The following RAP1GDS1 variants were observed in gnomAD, a reference collection of about 807,000 sequenced individuals.
RAP1GDS1 encodes Rap1 GTPase-GDP dissociation stimulator 1, also known as RAP1, GTP-GDP dissociation stimulator 1.
A neutral mutation model predicts 71.1 loss-of-function variants in RAP1GDS1; 35 were observed. The ratio of observed to expected loss-of-function variants is 0.49; its 90% CI spans 0.38 to 0.65. The LOEUF (loss-of-function observed/expected upper bound fraction) is 0.65. Among genes scored for constraint, RAP1GDS1 ranks in the 30% least tolerant of loss-of-function variants. The pLI is 0.00. For synonymous variants in RAP1GDS1, 229 were observed against 243.1 expected (o/e 0.94, Z 0.54); for missense variants, 663 against 706.1 (o/e 0.94, Z 0.69).
chr4:98,434,388 T>C lies in RAP1GDS1; in HGVS notation c.1567+326T>C, dbSNP rs78643082. 7.8e-3 allele frequency among the ~76,000 whole-genome samples: 1,185 copies of C among 152,308 alleles called. 16 individuals are homozygous for C. Among genetic ancestry groups the C allele is most frequent in the African/African-American group, 0.027 (1,118 of 41,572 alleles). On this transcript the variant is annotated intron_variant, in intron 13 of 14. Transcript: ENST00000408927. Reference sequence around the variant, plus strand: ...AAACAATATTTAGAATATGACAGCATATGAAGAGTCTGCTACTCTCCCAGT... The same window carrying C: ...AAACAATATTTAGAATATGACAGCACATGAAGAGTCTGCTACTCTCCCAGT...
At chr4:98,435,185 C>T (rs1468654565) in intron 13 of RAP1GDS1, among the ~76,000 whole-genome samples, 1 of 151,272 alleles carries the variant, frequency 6.6e-6, no homozygotes, top group East Asian at 1.9e-4. Context: ...TTCCCACTGA[C>T]AACTTAGATC....
At chr4:98,279,999 A>C (rs1039160889) in intron 1 of RAP1GDS1, among the ~76,000 whole-genome samples, 1 of 152,146 alleles carries the variant, frequency 6.6e-6, no homozygotes, top group Non-Finnish European at 1.5e-5. Flanking sequence ...TTCTTAATCT[A>C]GTCTATCATT....
At chr4:98,292,400 A>T (rs1578327067) in intron 1 of RAP1GDS1, among the ~76,000 whole-genome samples, 3 of 151,994 alleles carry the variant, frequency 2.0e-5, no homozygotes, top group South Asian at 2.1e-4. Flanking sequence ...TCCCAAAGTG[A>T]TGGGATTACA....
At chr4:98,292,067 G>A (rs2110277469) in intron 1 of RAP1GDS1, among the ~76,000 whole-genome samples, 1 of 151,382 alleles carries the variant, frequency 6.6e-6, no homozygotes, top group Admixed American at 6.6e-5. Context: ...ATTGAATACA[G>A]AAGAAGATAC....
chr4:98,362,646 C>T (rs1470135775), intron 4 of RAP1GDS1, among the ~76,000 whole-genome samples: 1 of 152,118 alleles, frequency 6.6e-6, no homozygotes, highest in Admixed American at 6.5e-5. Context: ...TAGAAAAATA[C>T]GTTGCTGCTC....
chr4:98,416,642 A>T (rs1372719502), intron 7 of RAP1GDS1, 103 bp from the exon 8 acceptor site: 12 of 1,141,172 alleles, frequency 1.1e-5, no homozygotes, highest in East Asian at 2.6e-5. Flanking sequence ...GAGCCACCGC[A>T]CCTGGCCCTC....
chr4:98,399,289 G>A (rs868300279), intron 6 of RAP1GDS1, among the ~76,000 whole-genome samples: 1 of 152,098 alleles, frequency 6.6e-6, no homozygotes, highest in Non-Finnish European at 1.5e-5. Flanking sequence ...CTACAGAATG[G>A]GAGAAAATAT....
At chr4:98,326,559 A>G (rs761424556) in intron 2 of RAP1GDS1, among the ~76,000 whole-genome samples, 5 of 152,102 alleles carry the variant, frequency 3.3e-5, no homozygotes, top group Non-Finnish European at 7.4e-5. Flanking sequence ...CTTTTTCACT[A>G]CAGATCTTAA....
chr4:98,416,900 T>C lies in RAP1GDS1; in HGVS notation c.907+12T>C. On this transcript the variant is annotated intron_variant, in intron 8 of 14. Transcript: ENST00000408927. ...ATTACTTCTTGGAGGTGAGTTGTAA[T>C]TTATGCCAGCCAAAGAATGTGGTTG... is the stretch of plus-strand genomic sequence containing the variant. 1 of 1,610,254 alleles carries C rather than the reference T, an allele frequency of 6.2e-7. No individual in the cohort carries two copies. Among genetic ancestry groups the C allele is most frequent in the Non-Finnish European group, 8.5e-7 (1 of 1,178,630 alleles).
chr4:98,387,428 C>T, intron 5 of RAP1GDS1: 1 of 455,982 alleles, frequency 2.2e-6, no homozygotes, highest in South Asian at 1.5e-5. Context: ...TTGAGATCTT[C>T]TCTCCAGATC....
In RAP1GDS1 at chr4:98,360,919, G is replaced by GAAAAC. The variant is rs965922939; in HGVS notation, c.361+8334_361+8338dup. ...AAACCCCATCTCTACTTTTTAAAAA[G>GAAAAC]AAAACAAAACAAAACAAAACTAGCC... On this transcript the variant is annotated intron_variant, in intron 4 of 14. Transcript: ENST00000408927. 1.3e-3 allele frequency among the ~76,000 whole-genome samples: 190 copies of GAAAAC among 151,680 alleles called. 2 individuals are homozygous for GAAAAC. The highest frequency in any genetic ancestry group is 4.5e-3 in the African/African-American group (185 of 41,378).
chr4:98,402,105 C>CTG (rs1264416867), intron 6 of RAP1GDS1, among the ~76,000 whole-genome samples: 1 of 152,100 alleles, frequency 6.6e-6, no homozygotes, highest in African/African-American at 2.4e-5. Flanking sequence ...CAGAGTCTCA[C>CTG]TGTGTCACCC....
intron 1 of RAP1GDS1, among the ~76,000 whole-genome samples, chr4:98,261,908 C>A (rs942593889): frequency 1.3e-5 from 2 of 152,100 alleles, no homozygotes; most frequent in Non-Finnish European, 1.5e-5. Context: ...AGCTCCATCC[C>A]CGTTTCTCCA....
chr4:98,333,148 T>C (rs1039007402), intron 2 of RAP1GDS1, among the ~76,000 whole-genome samples: 2 of 151,984 alleles, frequency 1.3e-5, no homozygotes, highest in Non-Finnish European at 2.9e-5. Flanking sequence ...TTCCTACTTA[T>C]TTTACTTATT....
chr4:98,371,450 C>T (rs896158146), intron 4 of RAP1GDS1, among the ~76,000 whole-genome samples: 2 of 151,802 alleles, frequency 1.3e-5, no homozygotes, highest in African/African-American at 4.8e-5. Flanking sequence ...GTAATGTCCC[C>T]CTTTATCCCT....
At chr4:98,352,793 A>G (rs1318185198) in intron 4 of RAP1GDS1, among the ~76,000 whole-genome samples, 192 bp downstream of exon 4, 1 of 152,232 alleles carries the variant, frequency 6.6e-6, no homozygotes, top group Non-Finnish European at 1.5e-5. Context: ...ATCATAGGAA[A>G]TGAAATGTTT....
Position 98,417,305 on chromosome 4 carries a change from T to A in RAP1GDS1, c.908-62T>A. 12 of 1,491,872 alleles carry A rather than the reference T, an allele frequency of 8.0e-6. No individual in the cohort carries two copies. In the South Asian group the frequency reaches 1.3e-4, roughly 16 times the overall value. The allele number at this position is 1,491,872 out of a possible 1,614,324, so 92.4% of individuals were successfully genotyped here. On this transcript the variant is annotated intron_variant, in intron 8 of 14. Coordinates refer to ENST00000408927, the MANE Select transcript of RAP1GDS1 (RefSeq NM_001100427.2). Reference sequence around the variant, plus strand: ...TTCCAGTTGGATATTCACCTAAGAATGTGAATTTGTTACTCCTAGTTATTT... The same window carrying A: ...TTCCAGTTGGATATTCACCTAAGAAAGTGAATTTGTTACTCCTAGTTATTT...
At chr4:98,298,390 G>T (rs1023525903) in intron 2 of RAP1GDS1, among the ~76,000 whole-genome samples, 2 of 152,194 alleles carry the variant, frequency 1.3e-5, no homozygotes, top group Non-Finnish European at 1.5e-5. Flanking sequence ...AGAGGTCAAT[G>T]CCTGGCTTCA....
chr4:98,266,411 T>A (rs1457281346), intron 1 of RAP1GDS1, among the ~76,000 whole-genome samples: 1 of 152,152 alleles, frequency 6.6e-6, no homozygotes, highest in Non-Finnish European at 1.5e-5. Context: ...CTTCTTTAGA[T>A]TATAGGTATG....
Sources: gnomAD v4.1 joint callset for allele counts (sites outside exome capture counted in the v4.1 genomes callset) on GRCh38, gnomAD v4.1.1 for gene constraint, MANE v1.5 for transcripts, NCBI Gene and HGNC (gene_info 2026-07-23, HGNC 2026-07-21) for gene names.